Variants in NRXN3 observed in about 807,000 individuals in gnomAD.
The protein encoded by NRXN3 is neurexin III.
Under a neutral mutation model 137.6 loss-of-function variants are expected in NRXN3, and 32 were observed. The ratio of observed to expected loss-of-function variants is 0.23; its 90% CI spans 0.18 to 0.31. NRXN3 has a LOEUF of 0.31. NRXN3 is among the 10% of genes least tolerant of loss of function. NRXN3 has a pLI of 1.00. For missense variants in NRXN3, 1,574 were observed against 2,062.5 expected, an observed-to-expected ratio of 0.76 and a Z score of 4.59; for synonymous variants, 798 against 784.5, an observed-to-expected ratio of 1.02 and a Z score of -0.29.
intron 15 of NRXN3, among the ~76,000 whole-genome samples, chr14:79,041,697 A>C (rs2099625280): frequency 6.6e-6 from 1 of 152,236 alleles, no homozygotes; most frequent in Admixed American, 6.5e-5. Context: ...TTAAGCAGGA[A>C]GGTGCCACAT....
intron 4 of NRXN3, among the ~76,000 whole-genome samples, chr14:78,370,271 C>A (rs1431258451): frequency 6.6e-6 from 1 of 151,924 alleles, no homozygotes; most frequent in Non-Finnish European, 1.5e-5. Context: ...CAATGTTGCC[C>A]ATGCACCAGC....
At chr14:79,133,762 A>G (rs2057877547) in intron 15 of NRXN3, among the ~76,000 whole-genome samples, 5 of 151,638 alleles carry the variant, frequency 3.3e-5, no homozygotes, top group Admixed American at 3.3e-4. Context: ...TGTCTCTACT[A>G]AAAATACAAA....
intron 4 of NRXN3, among the ~76,000 whole-genome samples, chr14:78,587,023 G>A (rs1399013902): frequency 1.3e-5 from 2 of 152,164 alleles, no homozygotes; most frequent in Middle Eastern, 3.2e-3. Context: ...TGAATGAGAA[G>A]CTTGAAGAGG....
At chr14:78,676,676 A>G (rs745446775) in intron 6 of NRXN3, among the ~76,000 whole-genome samples, 14 of 152,220 alleles carry the variant, frequency 9.2e-5, no homozygotes, top group Admixed American at 3.9e-4. Flanking sequence ...CATATTTTCA[A>G]TGTAGATAAA....
intron 3 of NRXN3, among the ~76,000 whole-genome samples, chr14:78,296,899 A>G (rs1054830857): frequency 1.3e-5 from 2 of 152,234 alleles, no homozygotes; most frequent in Admixed American, 6.5e-5. Flanking sequence ...GGATATGTCA[A>G]ATATCTCCAG....
intron 16 of NRXN3, among the ~76,000 whole-genome samples, chr14:79,566,059 C>T (rs1052700415): frequency 6.6e-5 from 10 of 152,080 alleles, no homozygotes; most frequent in South Asian, 2.1e-4. Flanking sequence ...AGGAGACAGT[C>T]GGAGGGGAAT....
At chr14:78,659,313 A>G (rs1261009651) in intron 6 of NRXN3, among the ~76,000 whole-genome samples, 1 of 152,148 alleles carries the variant, frequency 6.6e-6, no homozygotes, top group Non-Finnish European at 1.5e-5. Context: ...AAAGTCAACC[A>G]GTCTGTGGTA....
At chr14:79,795,830 A>T (rs1036449747) in intron 19 of NRXN3, among the ~76,000 whole-genome samples, 4 of 152,018 alleles carry the variant, frequency 2.6e-5, no homozygotes, top group Admixed American at 2.6e-4. Flanking sequence ...TGTGCCACAT[A>T]CTAAGTTTTG....
chr14:78,652,952 G>T (rs557349711), intron 6 of NRXN3, among the ~76,000 whole-genome samples: 29 of 152,346 alleles, frequency 1.9e-4, no homozygotes, highest in African/African-American at 4.6e-4. Context: ...TGCTCTAATT[G>T]AGTAGAGGAA....
chr14:79,772,276 C>T (rs1265742622), intron 19 of NRXN3, among the ~76,000 whole-genome samples: 1 of 152,010 alleles, frequency 6.6e-6, no homozygotes, highest in Non-Finnish European at 1.5e-5. Context: ...GAAAAAACTA[C>T]TTTAAAGTTC....
At chr14:78,744,289 T>C (rs2098596780) in intron 8 of NRXN3, 1 of 152,162 alleles carries the variant, frequency 6.6e-6, no homozygotes, top group South Asian at 2.1e-4. Context: ...ACAGCATACC[T>C]GGCTATTTTT....
rs572171654 is a variant in NRXN3 at position 78,271,256 on chromosome 14, C to T, written c.710-7389C>T. 2.6e-5 allele frequency among the ~76,000 whole-genome samples: 4 copies of T among 152,244 alleles called. No homozygotes were observed. The South Asian group carries it at 8.3e-4, about 32-fold the overall frequency. ...CCAACTTCATCTTTCCGGTTAAGCT[C>T]TGTGATTTTTACTGTATGATTTTGC... On this transcript the variant is annotated intron_variant, in intron 2 of 20. Coordinates refer to ENST00000335750, the MANE Select transcript of NRXN3 (RefSeq NM_001330195.2).
At chr14:78,511,305 A>C (rs1248640468) in intron 4 of NRXN3, among the ~76,000 whole-genome samples, 1 of 152,230 alleles carries the variant, frequency 6.6e-6, no homozygotes, top group Admixed American at 6.5e-5. Flanking sequence ...TGTCTTGATC[A>C]GTTTCCTCAT....
At position 79,763,446 on chromosome 14, in the gene NRXN3, A is replaced by G. The variant is rs557238051; in HGVS notation, c.4015-41666A>G. On this transcript the variant is annotated intron_variant, in intron 19 of 20. Coordinates refer to ENST00000335750, the MANE Select transcript of NRXN3 (RefSeq NM_001330195.2). ...ACCCAGTAATGGGATTGCTGGATCA[A>G]TTGTTTTTAAGGACAGGTTGCATAA... is the stretch of plus-strand genomic sequence containing the variant. Among the ~76,000 whole-genome samples, 7 of 150,462 alleles carry G rather than the reference A, an allele frequency of 4.7e-5. No individual in the cohort carries two copies. In the South Asian group the frequency reaches 8.4e-4, roughly 18 times the overall value.
chr14:79,516,917 T>C (rs2096991854), intron 16 of NRXN3, among the ~76,000 whole-genome samples: 2 of 152,216 alleles, frequency 1.3e-5, no homozygotes, highest in Non-Finnish European at 2.9e-5. Context: ...CTGTTTGCAG[T>C]TACAAATAAT....
intron 4 of NRXN3, among the ~76,000 whole-genome samples, chr14:78,476,874 T>G (rs939297133): frequency 6.6e-6 from 1 of 152,254 alleles, no homozygotes; most frequent in African/African-American, 2.4e-5. Context: ...TCCATTTATC[T>G]TCCATAACAC....
chr14:78,943,633 T>C (rs1308907705), intron 10 of NRXN3, among the ~76,000 whole-genome samples: 1 of 21,888 alleles, frequency 4.6e-5, no homozygotes, highest in Non-Finnish European at 7.7e-5. Flanking sequence ...TATATATATA[T>C]ATATATATAT....
chr14:79,857,310 C>CT (rs2099404801), intron 20 of NRXN3, among the ~76,000 whole-genome samples: 2 of 152,166 alleles, frequency 1.3e-5, no homozygotes, highest in Admixed American at 1.3e-4. Context: ...CAAGCTCTGC[C>CT]TCCCAGGTTC....
intron 15 of NRXN3, among the ~76,000 whole-genome samples, chr14:79,461,443 G>A (rs1480483929): frequency 6.6e-6 from 1 of 152,136 alleles, no homozygotes; most frequent in East Asian, 1.9e-4. Context: ...ATAAGGCCCA[G>A]CTGTTATAAA....
Sources: gnomAD v4.1 joint callset for allele counts (sites outside exome capture counted in the v4.1 genomes callset) on GRCh38, gnomAD v4.1.1 for gene constraint, MANE v1.5 for transcripts, NCBI Gene and HGNC (gene_info 2026-07-23, HGNC 2026-07-21) for gene names.